The following ADGB variants were observed in gnomAD, a reference collection of about 807,000 sequenced individuals.
ADGB encodes the protein calpain-7-like protein.
A neutral mutation model predicts 210.5 loss-of-function variants in ADGB; 172 were observed. The ratio of observed to expected loss-of-function variants is 0.82; its 90% CI spans 0.72 to 0.93. The LOEUF (loss-of-function observed/expected upper bound fraction) is 0.93, where lower values mean the gene tolerates loss of function less well. Among genes scored for constraint, ADGB ranks in the 40% least tolerant of loss-of-function variants. The pLI is 0.00. For missense variants in ADGB, 2,025 were observed against 1,964.8 expected (o/e 1.03, Z -0.58); for synonymous variants, 658 against 662.7 (o/e 0.99, Z 0.11).
intron 20 of ADGB, 30 bp from the exon 21 acceptor site, chr6:146,733,090 C>T: frequency 8.7e-7 from 1 of 1,145,786 alleles, no homozygotes; most frequent in Admixed American, 3.0e-5. Flanking sequence ...ATGGTATTTT[C>T]TTGCTATAAA....
intron 35 of ADGB, among the ~76,000 whole-genome samples, chr6:146,811,929 C>G (rs1195817840): frequency 6.6e-6 from 1 of 152,164 alleles, no homozygotes; most frequent in East Asian, 1.9e-4. Context: ...CTGCCTTGGC[C>G]TCCCAAAGTG....
At chr6:146,747,199 G>A (rs1379421338) in intron 26 of ADGB, among the ~76,000 whole-genome samples, 1 of 152,128 alleles carries the variant, frequency 6.6e-6, no homozygotes, top group Non-Finnish European at 1.5e-5. Flanking sequence ...GTTATTCAAC[G>A]AGTTGTTGGA....
rs116843363 is a variant in ADGB, at chr6:146,788,920, G to A, written c.4537+310G>A. Among the ~76,000 whole-genome samples, 1,133 of 152,222 alleles carry A rather than the reference G, an allele frequency of 7.4e-3. 12 individuals are homozygous for A. Among genetic ancestry groups the A allele is most frequent in the Middle Eastern group, 0.017 (5 of 294 alleles). On this transcript the variant is annotated intron_variant, in intron 33 of 35. Coordinates refer to ENST00000397944, the MANE Select transcript of ADGB (RefSeq NM_024694.4). ...GTCAGCATTCACACATACACTTCTC[G>A]TTAAACACAGATTTTTTTGTGTTAT... is the stretch of plus-strand genomic sequence containing the variant.
chr6:146,627,308 AT>A (rs1780988750), intron 1 of ADGB, among the ~76,000 whole-genome samples: 1 of 151,908 alleles, frequency 6.6e-6, no homozygotes, highest in Non-Finnish European at 1.5e-5. Flanking sequence ...ATATGTTCTT[AT>A]TTTTTTATGC....
intron 33 of ADGB, among the ~76,000 whole-genome samples, chr6:146,792,624 C>T (rs931231016): frequency 1.3e-5 from 2 of 151,898 alleles, no homozygotes; most frequent in Non-Finnish European, 2.9e-5. Flanking sequence ...CTCATCTGCT[C>T]CTAATTTCTT....
At chr6:146,740,374 A>G in intron 23 of ADGB, 85 bp from the exon 24 acceptor site, 1 of 1,224,410 alleles carries the variant, frequency 8.2e-7, no homozygotes, top group Non-Finnish European at 1.1e-6. Context: ...ATCTTATACT[A>G]TTTTTTGTCA....
intron 10 of ADGB, 92 bp from the exon 11 acceptor site, chr6:146,691,024 A>G (rs1776297946): frequency 2.8e-6 from 3 of 1,062,314 alleles, no homozygotes; most frequent in South Asian, 2.7e-5. Context: ...TACTACCACC[A>G]TATTGCTCTG....
At chr6:146,627,662 G>A (rs1780997238) in intron 1 of ADGB, among the ~76,000 whole-genome samples, 1 of 152,158 alleles carries the variant, frequency 6.6e-6, no homozygotes, top group South Asian at 2.1e-4. Flanking sequence ...CCGGCTTTGG[G>A]TAGCTTCCTC....
intron 19 of ADGB, among the ~76,000 whole-genome samples, chr6:146,728,165 T>C (rs886720818): frequency 9.2e-5 from 14 of 152,144 alleles, no homozygotes; most frequent in African/African-American, 3.1e-4. Flanking sequence ...TAAGAGTTGA[T>C]AGCAGGAGAG....
intron 1 of ADGB, among the ~76,000 whole-genome samples, chr6:146,599,591 A>G (rs1780522728): frequency 6.6e-6 from 1 of 152,210 alleles, no homozygotes; most frequent in Admixed American, 6.5e-5. Flanking sequence ...AATCAGATAT[A>G]GTCAGACGTA....
In ADGB at chr6:146,640,771, A is replaced by G. The variant is rs138685808; in HGVS notation, c.238-4002A>G. Among the ~76,000 whole-genome samples, 528 of 152,126 alleles carry G rather than the reference A, an allele frequency of 3.5e-3. 3 individuals carry two copies. Among genetic ancestry groups the G allele is most frequent in the African/African-American group, 0.011 (476 of 41,518 alleles). ...TTGAAGGATCATACCTCAAAATAATAAGAACCATCTATGATAAACTCATAG... is the reference window on the plus strand; with the variant it reads ...TTGAAGGATCATACCTCAAAATAATGAGAACCATCTATGATAAACTCATAG... On this transcript the variant is annotated intron_variant, in intron 2 of 35. Coordinates refer to ENST00000397944, the MANE Select transcript of ADGB (RefSeq NM_024694.4).
At chr6:146,659,207 G>C (rs6908255) in intron 5 of ADGB, among the ~76,000 whole-genome samples, 125,145 of 152,160 alleles carry the variant, frequency 0.82, 52,020 homozygotes, top group African/African-American at 0.95. Flanking sequence ...AATTCTAGTT[G>C]AGCACTTGTA....
At chr6:146,807,678 C>T in intron 35 of ADGB, 1 of 984,104 alleles carries the variant, frequency 1.0e-6, no homozygotes, top group East Asian at 2.9e-5. Context: ...ATTGGGCCAA[C>T]TGAAAATAGA....
At chr6:146,668,780 A>C (rs528477239) in intron 7 of ADGB, among the ~76,000 whole-genome samples, 2 of 152,222 alleles carry the variant, frequency 1.3e-5, no homozygotes, top group South Asian at 4.1e-4. Context: ...AAATTCATAA[A>C]ATTTTGCCTC....
chr6:146,705,306 C>T (rs1776553284), intron 13 of ADGB, among the ~76,000 whole-genome samples: 1 of 152,054 alleles, frequency 6.6e-6, no homozygotes, highest in African/African-American at 2.4e-5. Flanking sequence ...CTAGCTAGGA[C>T]TTTAGGTGAT....
At chr6:146,759,616 C>G (rs1398502713) in intron 27 of ADGB, among the ~76,000 whole-genome samples, 1 of 151,510 alleles carries the variant, frequency 6.6e-6, no homozygotes, top group Admixed American at 6.6e-5. Context: ...AACAAATAAC[C>G]TGTGTATCTA....
In ADGB at chr6:146,664,208, G is replaced by A. The variant is rs1453973352; in HGVS notation, c.620G>A (p.Trp207Ter). ...YVVKLYWMGC[W>*]RKITIDDFLP... is the part of the protein sequence containing the mutation. ...CTTTCATCTTATTTTTAGGGTTGCT[G>A]GAGAAAGATAACAATTGATGACTTT... The change falls in exon 6 of 36, where the codon TGG (tryptophan) becomes TAG (stop). Residue 207 changes from tryptophan (W) to a stop codon, truncating the protein, a stop_gained. Transcript: ENST00000397944. LOFTEE classifies it high-confidence loss of function. The A allele has an allele frequency of 5.8e-6, 9 of 1,544,484 alleles. No individual in the cohort carries two copies. Among genetic ancestry groups the A allele is most frequent in the Non-Finnish European group, 7.9e-6 (9 of 1,143,674 alleles).
Position 146,724,327 on chromosome 6 carries a change from G to C in ADGB, c.2237G>C (p.Gly746Ala). ...TKATVVRLPV[G>A]RHMLLFNAYS... Reference sequence around the variant, plus strand: ...GCTACAGTGGTTCGTCTGCCTGTTGGGTATGAAGTGGCTTCATTTTTCCCA... The same window carrying C: ...GCTACAGTGGTTCGTCTGCCTGTTGCGTATGAAGTGGCTTCATTTTTCCCA... The change falls in exon 18 of 36, where the codon GGG becomes GCG. Residue 746 changes from glycine to alanine, a missense_variant and splice_region_variant. Physicochemically the swap from Gly to Ala is moderately conservative, Grantham distance 60. Coordinates refer to ENST00000397944, the MANE Select transcript of ADGB (RefSeq NM_024694.4). 5 of 1,508,062 alleles carry C rather than the reference G, an allele frequency of 3.3e-6. No homozygotes were observed. The highest frequency in any genetic ancestry group is 4.4e-6 in the Non-Finnish European group (5 of 1,130,454). The allele number at this position is 1,508,062 out of a possible 1,614,324, so 93.4% of individuals were successfully genotyped here. A position where few individuals can be genotyped will look rare whatever the true frequency, so the allele number is the denominator to read the frequency against.
intron 1 of ADGB, among the ~76,000 whole-genome samples, chr6:146,604,986 T>C (rs957071111): frequency 2.6e-5 from 4 of 151,924 alleles, no homozygotes; most frequent in African/African-American, 9.7e-5. Flanking sequence ...AAGGCACAGG[T>C]TAGTGGGGCG....
Sources: allele counts gnomAD v4.1 joint callset (sites outside exome capture counted in the v4.1 genomes callset), GRCh38; gene constraint gnomAD v4.1.1; transcripts MANE v1.5; gene names NCBI Gene and HGNC (gene_info 2026-07-23, HGNC 2026-07-21).